MICAL3: variants seen among roughly 807,000 people sequenced by gnomAD.
The protein encoded by MICAL3 is microtubule associated monooxygenase, calponin and LIM domain containing 3, also known as [F-actin]-monooxygenase MICAL3.
A neutral mutation model predicts 207.4 loss-of-function variants in MICAL3; 62 were observed. That is an observed-to-expected ratio of 0.30 (90% CI 0.24 to 0.37). MICAL3 has a LOEUF of 0.37. MICAL3 is among the 10% of genes least tolerant of loss of function. The probability of loss-of-function intolerance (pLI) is 1.00; values close to 1 mark genes in which losing one functional copy is unlikely to be tolerated. For missense variants in MICAL3, 2,368 were observed against 2,635.6 expected, an observed-to-expected ratio of 0.90 and a Z score of 2.22; for synonymous variants, 1,077 against 1,069.3, an observed-to-expected ratio of 1.01 and a Z score of -0.14.
chr22:17,799,212 G>A (rs957610393), intron 29 of MICAL3, among the ~76,000 whole-genome samples: 24 of 152,152 alleles, frequency 1.6e-4, no homozygotes, highest in African/African-American at 5.1e-4. Context: ...GTGAAACCCC[G>A]TCTCTACTAA....
Position 17,898,784 on chromosome 22 carries a change from G to A in MICAL3, c.948+664C>T, listed in dbSNP as rs533214710. Among the ~76,000 whole-genome samples, 92 of 152,302 alleles carry A rather than the reference G, an allele frequency of 6.0e-4. 1 individual carries two copies. Among genetic ancestry groups the A allele is most frequent in the African/African-American group, 2.1e-3 (88 of 41,564 alleles). The stretch of plus-strand genomic sequence containing the variant: ...TCATATTTCAGGCCATCATCTCAGG[G>A]CACACCATGCAGTCACCTAGAAACA... On this transcript the variant is annotated intron_variant, in intron 7 of 31. Transcript: ENST00000441493.
intron 10 of MICAL3, 103 bp downstream of exon 10, chr22:17,895,181 C>A: frequency 8.3e-7 from 1 of 1,201,106 alleles, no homozygotes. Context: ...AAAAAAGTAT[C>A]CTTGTATGTG....
Position 17,790,587 on chromosome 22 carries a change from T to TCGAC in MICAL3, c.*141_*144dup. ...TGGGGCTCCCCACTGCACGCGGGAC[T>TCGAC]CGACCACTTTCCAAGCAGCACACGG... On this transcript the variant is annotated 3_prime_UTR_variant, in exon 32 of 32. Transcript: ENST00000441493. 1.4e-6 allele frequency: 1 copy of TCGAC among 738,764 alleles called. No individual in the cohort carries two copies. The highest frequency in any genetic ancestry group is 2.2e-6 in the Non-Finnish European group (1 of 462,400). The allele number at this position is 738,764 out of a possible 1,614,324, so 45.8% of individuals were successfully genotyped here. A position where few individuals can be genotyped will look rare whatever the true frequency, so the allele number is the denominator to read the frequency against.
chr22:17,821,536 C>A (rs922502653), intron 24 of MICAL3, 27 bp from the exon 25 acceptor site: 5 of 1,523,764 alleles, frequency 3.3e-6, no homozygotes, highest in Non-Finnish European at 1.8e-6. Context: ...CAGGGACTTA[C>A]AAGAGGAAGC....
At chr22:17,952,439 C>T (rs973579102) in intron 1 of MICAL3, among the ~76,000 whole-genome samples, 2 of 152,210 alleles carry the variant, frequency 1.3e-5, no homozygotes, top group African/African-American at 4.8e-5. Context: ...GCCTCACCCT[C>T]GCTACAGGCC....
rs200932129 is a variant in MICAL3 at position 17,818,121 on chromosome 22, C to T, written c.4540G>A (p.Val1514Met). The change falls in exon 26 of 32, where the codon GTG becomes ATG. Residue 1514 changes from valine to methionine, a missense_variant. By Grantham distance (21) the Val-to-Met change is conservative. Coordinates refer to ENST00000441493, the MANE Select transcript of MICAL3 (RefSeq NM_015241.3). ...AAGGGAATCTCCTCCACGCTCTCCA[C>T]AAACGACTTCCGCACCTCCTCTCTG... ...PPREEVRKSFVESVEEIPFAD... is the reference protein window; with the variant it reads ...PPREEVRKSFMESVEEIPFAD... 999 of 1,611,336 alleles carry T rather than the reference C, an allele frequency of 6.2e-4. 2 individuals carry two copies. The highest frequency in any genetic ancestry group is 3.8e-4 in the Non-Finnish European group (451 of 1,179,088).
Position 17,902,721 on chromosome 22 carries a change from A to G in MICAL3, c.499T>C (p.Leu167=). ...ISIRQLQLIL[L]KVALILGIEI... ...ATGCCTAGGATCAAGGCTACTTTCA[A>G]AAGTATTAGTTGGAGCTGACGGATA... Residue 167 remains leucine, a synonymous_variant, in exon 4 of 32, where the codon TTG becomes CTG. Coordinates refer to ENST00000441493, the MANE Select transcript of MICAL3 (RefSeq NM_015241.3). The surrounding 1 kb of genome is among the most constrained non-coding windows in gnomAD (Gnocchi z 4.5). 1 of 1,601,576 alleles carries G rather than the reference A, an allele frequency of 6.2e-7. No homozygotes were observed. Among genetic ancestry groups the G allele is most frequent in the Non-Finnish European group, 8.5e-7 (1 of 1,173,054 alleles).
intron 27 of MICAL3, chr22:17,814,189 C>A (rs1168380067): frequency 5.9e-5 from 9 of 152,134 alleles, no homozygotes; most frequent in Non-Finnish European, 1.5e-5. Context: ...GCCCCTGTTC[C>A]CCACACTTAC....
At chr22:17,922,526 T>A (rs1039101445) in intron 1 of MICAL3, among the ~76,000 whole-genome samples, 15 of 152,282 alleles carry the variant, frequency 9.9e-5, no homozygotes, top group Non-Finnish European at 2.1e-4. Flanking sequence ...TCTGTTCACA[T>A]TCCAGGATGA....
intron 1 of MICAL3, among the ~76,000 whole-genome samples, chr22:17,956,264 C>T (rs1934608435): frequency 6.6e-6 from 1 of 152,246 alleles, no homozygotes; most frequent in African/African-American, 2.4e-5. Flanking sequence ...AAGATCACAA[C>T]TTCCAAACAG....
chr22:17,895,646 C>T (rs1021316048), intron 9 of MICAL3, among the ~76,000 whole-genome samples: 9 of 151,880 alleles, frequency 5.9e-5, no homozygotes, highest in Non-Finnish European at 8.8e-5. Context: ...AAACCGTGAG[C>T]GCCCACAGAT....
At chr22:17,792,858 A>G (rs1216284300) in intron 29 of MICAL3, among the ~76,000 whole-genome samples, 1 of 152,174 alleles carries the variant, frequency 6.6e-6, no homozygotes, top group African/African-American at 2.4e-5. Context: ...ACCCAATCCA[A>G]TAGGCTTGGG....
intron 1 of MICAL3, among the ~76,000 whole-genome samples, chr22:17,965,955 G>A (rs1935124164): frequency 1.3e-5 from 2 of 152,262 alleles, no homozygotes; most frequent in South Asian, 4.1e-4. Context: ...AACCACCGTG[G>A]GACTTCCATG....
intron 1 of MICAL3, among the ~76,000 whole-genome samples, chr22:17,930,320 G>A (rs1358359367): frequency 6.6e-6 from 1 of 152,198 alleles, no homozygotes; most frequent in Non-Finnish European, 1.5e-5. Context: ...ATCCAACAGA[G>A]ATGAATGTCT....
rs59956684 is a variant in MICAL3, at chr22:17,968,299, T to G, written c.-75+55982A>C. 8.0e-3 allele frequency among the ~76,000 whole-genome samples: 1,221 copies of G among 152,104 alleles called. 13 individuals are homozygous for G. The highest frequency in any genetic ancestry group is 0.028 in the African/African-American group (1,145 of 41,496). ...AAGCGTTGGGGGAGGGAGAAAAGCCTAGCAACCTTGCCAGAGCTCAGACCC... is the reference window on the plus strand; with the variant it reads ...AAGCGTTGGGGGAGGGAGAAAAGCCGAGCAACCTTGCCAGAGCTCAGACCC... On this transcript the variant is annotated intron_variant, in intron 1 of 31. Transcript: ENST00000441493.
rs1241629843 is a variant in MICAL3 at position 17,893,827 on chromosome 22, G to C, written c.1527C>G (p.Thr509=). The change falls in exon 11 of 32, where the codon ACC becomes ACG. Residue 509 remains threonine (T), a synonymous_variant. Coordinates refer to ENST00000441493, the MANE Select transcript of MICAL3 (RefSeq NM_015241.3). The part of the protein sequence containing the change: ...EMESLVNSRT[T]PKLTRNESVA... The stretch of plus-strand genomic sequence containing the variant: ...ACTCACCATTGCGAGTCAATTTGGG[G>C]GTGGTTCGGGAATTCACCAGGCTCT... 1.9e-6 allele frequency: 3 copies of C among 1,576,016 alleles called. No individual in the cohort carries two copies. The African/African-American group carries it at 4.1e-5, about 21-fold the overall frequency.
chr22:17,872,338 G>A (rs1927805651), intron 16 of MICAL3, among the ~76,000 whole-genome samples: 1 of 152,150 alleles, frequency 6.6e-6, no homozygotes, highest in African/African-American at 2.4e-5. Context: ...ATACAGCCTG[G>A]CGACGCCGGG....
At chr22:17,920,230 G>A (rs747790998) in intron 1 of MICAL3, among the ~76,000 whole-genome samples, 9 of 152,328 alleles carry the variant, frequency 5.9e-5, no homozygotes, top group Middle Eastern at 6.8e-3. Flanking sequence ...GCAAGTCCCC[G>A]CAGTGAGGAC....
chr22:17,984,436 C>T (rs1175642235), intron 1 of MICAL3, among the ~76,000 whole-genome samples: 5 of 152,358 alleles, frequency 3.3e-5, no homozygotes, highest in South Asian at 2.1e-4. Context: ...TCCAAGATTA[C>T]GCAGACACCG....
Sources: allele counts gnomAD v4.1 joint callset (sites outside exome capture counted in the v4.1 genomes callset), GRCh38; gene constraint gnomAD v4.1.1; non-coding constraint Gnocchi (gnomAD v3.1); transcripts MANE v1.5; gene names NCBI Gene and HGNC (gene_info 2026-07-23, HGNC 2026-07-21).